The following AGMO variants were observed in gnomAD, a reference collection of about 807,000 sequenced individuals.
AGMO encodes the protein glyceryl-ether monooxygenase.
In AGMO, 75 loss-of-function variants were observed where a neutral mutation model predicts 60.2. The ratio of observed to expected loss-of-function variants is 1.25; its 90% CI spans 1.03 to 1.51. The LOEUF is 1.51. AGMO is among the 40% of genes most tolerant of loss of function. AGMO has a pLI of 0.00. For synonymous variants in AGMO, 261 were observed against 177.1 expected, an observed-to-expected ratio of 1.47 and a Z score of -3.76; for missense variants, 763 against 525.5, an observed-to-expected ratio of 1.45 and a Z score of -4.42.
chr7:15,252,480 G>A (rs1156630843), intron 12 of AGMO, among the ~76,000 whole-genome samples: 1 of 152,192 alleles, frequency 6.6e-6, no homozygotes, highest in South Asian at 2.1e-4. Context: ...TTTGAGGAAA[G>A]TGGCTATTTA....
intron 10 of AGMO, among the ~76,000 whole-genome samples, chr7:15,378,821 A>C (rs1197940594): frequency 1.3e-5 from 2 of 151,440 alleles, no homozygotes; most frequent in African/African-American, 4.9e-5. Context: ...CATTCTTCTC[A>C]TCGCTACATG....
chr7:15,240,126 T>C (rs1239043709), intron 12 of AGMO, among the ~76,000 whole-genome samples: 1 of 152,120 alleles, frequency 6.6e-6, no homozygotes, highest in Non-Finnish European at 1.5e-5. Context: ...AGGGGTAATA[T>C]AATGAAATAA....
At chr7:15,557,135 A>G (rs1785165825) in intron 2 of AGMO, among the ~76,000 whole-genome samples, 1 of 152,008 alleles carries the variant, frequency 6.6e-6, no homozygotes, top group South Asian at 2.1e-4. Context: ...TGAAATTAAG[A>G]TCCTCAAAAA....
intron 12 of AGMO, among the ~76,000 whole-genome samples, chr7:15,221,695 A>G (rs1431030139): frequency 1.3e-5 from 2 of 152,108 alleles, no homozygotes; most frequent in Non-Finnish European, 2.9e-5. Context: ...TTGTAAAACT[A>G]TTGTTCAAAT....
At chr7:15,543,926 G>A (rs989826310) in intron 3 of AGMO, among the ~76,000 whole-genome samples, 1 of 151,540 alleles carries the variant, frequency 6.6e-6, no homozygotes, top group Non-Finnish European at 1.5e-5. Context: ...CCTACCAACG[G>A]TATAAAACTG....
In AGMO at chr7:15,201,304, G is replaced by A; in HGVS notation, c.1319C>T (p.Thr440Ile). Residue 440 changes from threonine (T) to isoleucine (I), a missense_variant, in exon 13 of 13, where the codon ACC becomes ATC. Coordinates refer to ENST00000342526, the MANE Select transcript of AGMO (RefSeq NM_001004320.2). ...FWGVRSMKQLTSHPWK is the reference protein window; with the variant it reads ...FWGVRSMKQLISHPWK ...TTCAGGTTATTTCCAAGGGTGAGAG[G>A]TGAGTTGTTTCATGCTTCTAACTCC... is the stretch of plus-strand genomic sequence containing the variant. The A allele has an allele frequency of 6.2e-7, 1 of 1,612,300 alleles. No homozygotes were observed. The highest frequency in any genetic ancestry group is 8.5e-7 in the Non-Finnish European group (1 of 1,179,100).
intron 6 of AGMO, among the ~76,000 whole-genome samples, chr7:15,392,540 C>A (rs1002501331): frequency 6.6e-6 from 1 of 152,018 alleles, no homozygotes; most frequent in Non-Finnish European, 1.5e-5. Context: ...GTGACTCAGG[C>A]CTGTAATCCC....
At chr7:15,299,473 T>C (rs533285204) in intron 12 of AGMO, among the ~76,000 whole-genome samples, 8 of 152,290 alleles carry the variant, frequency 5.3e-5, no homozygotes, top group African/African-American at 1.9e-4. Flanking sequence ...TAAGGACTGA[T>C]ATCCATTTCT....
chr7:15,163,815 A>G, the AGMO span, among the ~76,000 whole-genome samples: 1 of 151,660 alleles, frequency 6.6e-6, no homozygotes, highest in African/African-American at 2.4e-5. Flanking sequence ...CCTGATTTTG[A>G]TATCAGGATG....
chr7:15,366,570 C>G (rs949972883), intron 10 of AGMO, among the ~76,000 whole-genome samples: 2 of 151,972 alleles, frequency 1.3e-5, no homozygotes, highest in South Asian at 4.1e-4. Flanking sequence ...ATACTGTATT[C>G]TAATTAGCCA....
chr7:15,277,218 T>C (rs933835253), intron 12 of AGMO, among the ~76,000 whole-genome samples: 9 of 151,872 alleles, frequency 5.9e-5, no homozygotes, highest in Non-Finnish European at 1.2e-4. Context: ...TGAGGCAGAA[T>C]TGCTTGAGCC....
chr7:15,233,669 G>A (rs959556062), intron 12 of AGMO, among the ~76,000 whole-genome samples: 4 of 152,132 alleles, frequency 2.6e-5, no homozygotes, highest in African/African-American at 9.7e-5. Flanking sequence ...GGAGCAAAGC[G>A]ATTAAAGCCC....
intron 3 of AGMO, among the ~76,000 whole-genome samples, chr7:15,513,675 A>C (rs899416874): frequency 1.3e-5 from 2 of 152,136 alleles, no homozygotes; most frequent in African/African-American, 4.8e-5. Flanking sequence ...TATTGTTTTC[A>C]AGATTGGGCT....
At chr7:15,282,286 G>C (rs898338425) in intron 12 of AGMO, among the ~76,000 whole-genome samples, 1 of 151,916 alleles carries the variant, frequency 6.6e-6, no homozygotes, top group Non-Finnish European at 1.5e-5. Context: ...GCTACTCAAG[G>C]AGATATCAAG....
At chr7:15,344,081 T>C (rs1397819934) in intron 12 of AGMO, among the ~76,000 whole-genome samples, 1 of 152,132 alleles carries the variant, frequency 6.6e-6, no homozygotes, top group Non-Finnish European at 1.5e-5. Context: ...AAATGTAAAA[T>C]TCCAAGTTTG....
intron 12 of AGMO, among the ~76,000 whole-genome samples, chr7:15,337,708 G>A (rs571021084): frequency 6.6e-6 from 1 of 152,316 alleles, no homozygotes; most frequent in South Asian, 2.1e-4. Flanking sequence ...AGCAGCATCA[G>A]TCAAGGGGCA....
intron 12 of AGMO, among the ~76,000 whole-genome samples, chr7:15,262,103 A>C (rs1213657316): frequency 1.3e-5 from 2 of 151,940 alleles, no homozygotes; most frequent in Non-Finnish European, 2.9e-5. Context: ...CACTACTTTT[A>C]TTGAACATAG....
chr7:15,288,851 TAAAAAAA>T (rs201502047), intron 12 of AGMO, among the ~76,000 whole-genome samples: 38 of 141,680 alleles, frequency 2.7e-4, no homozygotes, highest in African/African-American at 9.2e-4. Context: ...AAATAAAAAA[TAAAAAAA>T]AAAAAAATAT....
At chr7:15,196,178 TA>T (rs2115457553), downstream of AGMO, among the ~76,000 whole-genome samples, 1 of 151,816 alleles carries the variant, frequency 6.6e-6, no homozygotes, top group South Asian at 2.1e-4. Flanking sequence ...GAGTAGCTGG[TA>T]TTACAGGCAC....
Sources: allele counts gnomAD v4.1 joint callset (sites outside exome capture counted in the v4.1 genomes callset), GRCh38; gene constraint gnomAD v4.1.1; transcripts MANE v1.5; gene names NCBI Gene and HGNC (gene_info 2026-07-23, HGNC 2026-07-21).